The following MACROD2 variants were observed in gnomAD, a reference collection of about 807,000 sequenced individuals.
The protein encoded by MACROD2 is mono-ADP ribosylhydrolase 2.
In MACROD2, 36 loss-of-function variants were observed where a neutral mutation model predicts 70.4. The ratio of observed to expected loss-of-function variants is 0.51; its 90% CI spans 0.39 to 0.68. The LOEUF (loss-of-function observed/expected upper bound fraction) is 0.68, where lower values mean the gene tolerates loss of function less well. Ranked by LOEUF, MACROD2 falls within the 30% of genes least tolerant of loss-of-function variation. MACROD2 has a pLI of 0.00. For synonymous variants in MACROD2, 172 were observed against 178.8 expected, an observed-to-expected ratio of 0.96 and a Z score of 0.30; for missense variants, 496 against 538.4, an observed-to-expected ratio of 0.92 and a Z score of 0.78.
intron 3 of MACROD2, among the ~76,000 whole-genome samples, chr20:14,239,074 C>T (rs2081905925): frequency 6.7e-6 from 1 of 149,336 alleles, no homozygotes; most frequent in Non-Finnish European, 1.5e-5. Context: ...TTCCTATACA[C>T]CAGCAACATC....
At chr20:14,940,971 G>T (rs1376961994) in intron 5 of MACROD2, among the ~76,000 whole-genome samples, 1 of 152,048 alleles carries the variant, frequency 6.6e-6, no homozygotes, top group East Asian at 1.9e-4. Flanking sequence ...TAGAATTAGT[G>T]TTAGTTCTTT....
chr20:14,032,178 T>C (rs1156873950), intron 2 of MACROD2, among the ~76,000 whole-genome samples: 1 of 152,132 alleles, frequency 6.6e-6, no homozygotes, highest in Admixed American at 6.5e-5. Flanking sequence ...GTGTATGTTT[T>C]ACTATAACTT....
intron 3 of MACROD2, among the ~76,000 whole-genome samples, chr20:14,348,431 G>A (rs1320165633): frequency 6.6e-6 from 1 of 151,936 alleles, no homozygotes; most frequent in African/African-American, 2.4e-5. Flanking sequence ...ACCAGTTCAG[G>A]ATGTGTTATC....
chr20:14,201,333 G>T (rs1250143032), intron 3 of MACROD2, among the ~76,000 whole-genome samples: 1 of 152,182 alleles, frequency 6.6e-6, no homozygotes, highest in Non-Finnish European at 1.5e-5. Context: ...TTGAAAGGCA[G>T]AAATTGAGAA....
At chr20:15,955,027 A>C (rs997676661) in intron 12 of MACROD2, among the ~76,000 whole-genome samples, 9 of 152,306 alleles carry the variant, frequency 5.9e-5, no homozygotes, top group African/African-American at 1.9e-4. Context: ...AAAGGATTAC[A>C]TTGAAACATA....
At chr20:14,674,549 G>T (rs1413094679) in intron 4 of MACROD2, among the ~76,000 whole-genome samples, 1 of 152,248 alleles carries the variant, frequency 6.6e-6, no homozygotes, top group African/African-American at 2.4e-5. Context: ...AAGAAAAAGA[G>T]ATTTAAATGG....
intron 5 of MACROD2, among the ~76,000 whole-genome samples, chr20:15,215,252 TTG>T (rs376439581): frequency 0.057 from 7,662 of 135,316 alleles, 208 homozygotes; most frequent in African/African-American, 0.098. Flanking sequence ...CTCCTGTATT[TTG>T]TGTGTGTGTG....
At chr20:15,932,368 G>C (rs918817215) in intron 10 of MACROD2, among the ~76,000 whole-genome samples, 5 of 152,122 alleles carry the variant, frequency 3.3e-5, no homozygotes, top group Non-Finnish European at 7.4e-5. Flanking sequence ...TTGGTCTAAA[G>C]AAGTTTCACA....
At chr20:14,421,782 T>C (rs2122896066) in intron 3 of MACROD2, among the ~76,000 whole-genome samples, 1 of 152,302 alleles carries the variant, frequency 6.6e-6, no homozygotes, top group Non-Finnish European at 1.5e-5. Context: ...GATTTCAATC[T>C]TTTAAAATTT....
At chr20:15,478,040 A>G (rs1204838081) in intron 7 of MACROD2, among the ~76,000 whole-genome samples, 1 of 152,348 alleles carries the variant, frequency 6.6e-6, no homozygotes, top group East Asian at 1.9e-4. Flanking sequence ...CAGGAATGCA[A>G]TCCTGCCCAA....
chr20:16,028,294 G>A (rs984468939), intron 15 of MACROD2, among the ~76,000 whole-genome samples: 1 of 152,114 alleles, frequency 6.6e-6, no homozygotes, highest in Non-Finnish European at 1.5e-5. Flanking sequence ...TTCTCTCTGC[G>A]TTGGCTGGCT....
In MACROD2 at chr20:15,368,572, C is replaced by A. The variant is rs1014436; in HGVS notation, c.541-62833C>A. On this transcript the variant is annotated intron_variant, in intron 6 of 17. Coordinates refer to ENST00000684519, the MANE Select transcript of MACROD2 (RefSeq NM_001351661.2). ...TGCCTCCCAGGTTCACAAGATTATCCTGCCTTAGCCTCCGGAGTAGCTGGG... is the reference window on the plus strand; with the variant it reads ...TGCCTCCCAGGTTCACAAGATTATCATGCCTTAGCCTCCGGAGTAGCTGGG... Among the ~76,000 whole-genome samples the A allele has an allele frequency of 9.6e-3, 1,451 of 151,348 alleles. 22 individuals carry two copies. Among genetic ancestry groups the A allele is most frequent in the African/African-American group, 0.033 (1,353 of 41,170 alleles).
chr20:15,738,212 CAAAT>C (rs1314603413), intron 8 of MACROD2, among the ~76,000 whole-genome samples: 5 of 152,038 alleles, frequency 3.3e-5, no homozygotes, highest in East Asian at 1.9e-4. Flanking sequence ...GCTTGTAACA[CAAAT>C]AATAAATGTT....
At position 14,319,868 on chromosome 20, in the gene MACROD2, G is replaced by T. The variant is rs531249048; in HGVS notation, c.272-173611G>T. Among the ~76,000 whole-genome samples, 40 of 151,830 alleles carry T rather than the reference G, an allele frequency of 2.6e-4. 1 individual carries two copies. The South Asian group carries it at 8.3e-3, about 32-fold the overall frequency. ...CTCCTTTGGCACCTCTTTTCTCTCT[G>T]CTTATTTTCTGTTGATTATCTCATC... On this transcript the variant is annotated intron_variant, in intron 3 of 17. Coordinates refer to ENST00000684519, the MANE Select transcript of MACROD2 (RefSeq NM_001351661.2).
At chr20:15,610,652 TG>T (rs1443004072) in intron 8 of MACROD2, among the ~76,000 whole-genome samples, 5 of 152,196 alleles carry the variant, frequency 3.3e-5, no homozygotes, top group Admixed American at 2.0e-4. Flanking sequence ...GGGCATATTA[TG>T]GGAGACCACC....
chr20:14,828,962 T>C (rs2072932142), intron 5 of MACROD2, among the ~76,000 whole-genome samples: 1 of 151,266 alleles, frequency 6.6e-6, no homozygotes, highest in Non-Finnish European at 1.5e-5. Context: ...CCTTCTTTTT[T>C]TTTTTTTTCT....
At chr20:14,241,428 A>T (rs1375605544) in intron 3 of MACROD2, among the ~76,000 whole-genome samples, 1 of 152,206 alleles carries the variant, frequency 6.6e-6, no homozygotes, top group African/African-American at 2.4e-5. Flanking sequence ...TAACAACATG[A>T]ACCACTGCTG....
At chr20:15,995,190 A>C (rs2066610771) in intron 15 of MACROD2, among the ~76,000 whole-genome samples, 1 of 152,172 alleles carries the variant, frequency 6.6e-6, no homozygotes, top group South Asian at 2.1e-4. Flanking sequence ...GGTTTTATTC[A>C]TACATTCCAC....
chr20:14,005,496 C>T (rs554392765), intron 2 of MACROD2, among the ~76,000 whole-genome samples: 1 of 152,198 alleles, frequency 6.6e-6, no homozygotes, highest in East Asian at 1.9e-4. Context: ...ATTGTACTGT[C>T]TCTAGCACCT....
Sources: gnomAD v4.1 joint callset for allele counts (sites outside exome capture counted in the v4.1 genomes callset) on GRCh38, gnomAD v4.1.1 for gene constraint, MANE v1.5 for transcripts, NCBI Gene and HGNC (gene_info 2026-07-23, HGNC 2026-07-21) for gene names.